The following GREB1 variants were observed in gnomAD, a reference collection of about 807,000 sequenced individuals.
GREB1 encodes growth regulating estrogen receptor binding 1, also known as protein GREB1.
A neutral mutation model predicts 200.7 loss-of-function variants in GREB1; 106 were observed. The observed-to-expected ratio is 0.53, with a 90% CI of 0.45 to 0.62. The LOEUF (loss-of-function observed/expected upper bound fraction) is 0.62, where lower values mean the gene tolerates loss of function less well. GREB1 is among the 20% of genes least tolerant of loss of function. The pLI is 0.00. For missense variants in GREB1, 2,243 were observed against 2,556.8 expected (o/e 0.88, Z 2.65); for synonymous variants, 1,132 against 1,092.4 (o/e 1.04, Z -0.72).
chr2:11,576,879 A>G (rs1398778685), intron 5 of GREB1, among the ~76,000 whole-genome samples: 1 of 151,996 alleles, frequency 6.6e-6, no homozygotes, highest in Admixed American at 6.6e-5. Context: ...TACTGAAAAT[A>G]CAAAAGTTAG....
At chr2:11,637,350 G>A (rs73915451) in intron 30 of GREB1, among the ~76,000 whole-genome samples, 7,161 of 152,100 alleles carry the variant, frequency 0.047, 566 homozygotes, top group African/African-American at 0.16. Flanking sequence ...GAAGAGCCCC[G>A]GGGCTGGGCG....
chr2:11,549,810 C>G (rs936271311), intron 1 of GREB1, among the ~76,000 whole-genome samples: 3 of 152,166 alleles, frequency 2.0e-5, no homozygotes, highest in Non-Finnish European at 4.4e-5. Flanking sequence ...TTTGTTTGCT[C>G]TCTTTTGTCT....
At chr2:11,601,309 G>T (rs1435570995) in intron 16 of GREB1, among the ~76,000 whole-genome samples, 1 of 152,296 alleles carries the variant, frequency 6.6e-6, no homozygotes, top group Non-Finnish European at 1.5e-5. Flanking sequence ...TGAAGGTAGA[G>T]CCCTTAGGCG....
intron 17 of GREB1, among the ~76,000 whole-genome samples, chr2:11,607,548 GTACATA>G (rs1682469101): frequency 9.0e-6 from 1 of 110,762 alleles, no homozygotes; most frequent in Non-Finnish European, 1.7e-5. Flanking sequence ...ATACATATAT[GTACATA>G]CATATATATA....
At chr2:11,510,034 T>C (rs527864305) in intron 1 of GREB1, among the ~76,000 whole-genome samples, 1 of 152,324 alleles carries the variant, frequency 6.6e-6, no homozygotes, top group East Asian at 1.9e-4. Flanking sequence ...ATATGTCTGT[T>C]GGGTTTCTTT....
At chr2:11,550,431 A>G (rs970455355) in intron 1 of GREB1, among the ~76,000 whole-genome samples, 4 of 152,166 alleles carry the variant, frequency 2.6e-5, no homozygotes, top group African/African-American at 9.7e-5. Flanking sequence ...CCCTGTTTTC[A>G]CCCTTGCATC....
chr2:11,630,165 G>A, intron 26 of GREB1, 56 bp downstream of exon 26: 1 of 1,558,072 alleles, frequency 6.4e-7, no homozygotes, highest in Non-Finnish European at 8.8e-7. Context: ...TGGGGACTGA[G>A]CCGGGGACTA....
intron 2 of GREB1, among the ~76,000 whole-genome samples, chr2:11,557,265 T>A (rs1676518974): frequency 6.6e-6 from 1 of 152,244 alleles, no homozygotes; most frequent in African/African-American, 2.4e-5. Flanking sequence ...GGCATAGGGA[T>A]GACTTTTTAG....
chr2:11,530,336 A>G (rs908265170), upstream of GREB1, among the ~76,000 whole-genome samples: 1 of 152,038 alleles, frequency 6.6e-6, no homozygotes, highest in African/African-American at 2.4e-5. Flanking sequence ...TGTTGGGATT[A>G]CAGGTGTGAT....
chr2:11,510,669 C>A (rs1443474925), intron 1 of GREB1, among the ~76,000 whole-genome samples: 3 of 148,598 alleles, frequency 2.0e-5, no homozygotes, highest in Non-Finnish European at 3.0e-5. Flanking sequence ...TTTCTTTTTT[C>A]AGTATTATGA....
At position 11,576,438 on chromosome 2, in the gene GREB1, C is replaced by G. The variant is rs377355100; in HGVS notation, c.540C>G (p.Thr180=). 90 of 1,613,604 alleles carry G rather than the reference C, an allele frequency of 5.6e-5. No individual in the cohort carries two copies. Among genetic ancestry groups the G allele is most frequent in the Admixed American group, 1.5e-4 (9 of 59,998 alleles). ...CCAATCATATAAATCTGAAACTGAC[C>G]ACTCAACCCAAGAAGCAGAAACACT... The part of the protein sequence containing the change: ...EFSNHINLKL[T]TQPKKQKHLK... Residue 180 remains threonine, a synonymous_variant, in exon 5 of 33, where the codon ACC becomes ACG. Coordinates refer to ENST00000381486, the MANE Select transcript of GREB1 (RefSeq NM_014668.4).
intron 1 of GREB1, among the ~76,000 whole-genome samples, chr2:11,498,555 C>T (rs751936983): frequency 7.2e-5 from 11 of 152,184 alleles, no homozygotes; most frequent in Non-Finnish European, 1.3e-4. Context: ...TGTTCAGCTT[C>T]GGGACACCGT....
At chr2:11,497,442 A>T (rs1302674657) in intron 1 of GREB1, among the ~76,000 whole-genome samples, 1 of 152,224 alleles carries the variant, frequency 6.6e-6, no homozygotes, top group Non-Finnish European at 1.5e-5. Context: ...ACTTGTGTAC[A>T]GGTTTTTGTG....
chr2:11,531,206 G>A (rs187471474), upstream of GREB1, among the ~76,000 whole-genome samples: 552 of 152,250 alleles, frequency 3.6e-3, 4 homozygotes, highest in African/African-American at 0.013. Context: ...GTTTACTGTG[G>A]GAGTGTAGTT....
chr2:11,494,664 G>T (rs1447836020), intron 1 of GREB1, among the ~76,000 whole-genome samples: 1 of 152,174 alleles, frequency 6.6e-6, no homozygotes, highest in East Asian at 1.9e-4. Context: ...TGGGTGTGTA[G>T]TTAAGAGCTG....
chr2:11,574,431 G>T (rs76415088), intron 4 of GREB1, among the ~76,000 whole-genome samples: 1 of 152,200 alleles, frequency 6.6e-6, no homozygotes, highest in South Asian at 2.1e-4. Context: ...AGGATGTTGA[G>T]TGAGGGCTGG....
chr2:11,632,167 G>C, intron 27 of GREB1, 54 bp downstream of exon 27: 1 of 1,273,908 alleles, frequency 7.8e-7, no homozygotes, highest in Non-Finnish European at 1.1e-6. Flanking sequence ...ACGAACACTT[G>C]AGAGAGTGTT....
intron 7 of GREB1, among the ~76,000 whole-genome samples, chr2:11,582,988 G>A (rs1288795666): frequency 6.6e-6 from 1 of 152,118 alleles, no homozygotes; most frequent in African/African-American, 2.4e-5. Flanking sequence ...GACAGAGCGG[G>A]CAGGATGCAC....
intron 7 of GREB1, among the ~76,000 whole-genome samples, chr2:11,582,554 C>CCTGTGAGCT (rs1212776157): frequency 6.6e-6 from 1 of 152,234 alleles, no homozygotes; most frequent in Non-Finnish European, 1.5e-5. Context: ...AGGAGGGCCC[C>CCTGTGAGCT]CTGTGAGCTC....
Sources: allele counts gnomAD v4.1 joint callset (sites outside exome capture counted in the v4.1 genomes callset), GRCh38; gene constraint gnomAD v4.1.1; transcripts MANE v1.5; gene names NCBI Gene and HGNC (gene_info 2026-07-23, HGNC 2026-07-21).